The following LRP1B variants were observed in gnomAD, a reference collection of about 807,000 sequenced individuals.
LRP1B encodes the protein LDL receptor related protein 1B.
A neutral mutation model predicts 556.6 loss-of-function variants in LRP1B; 217 were observed. The ratio of observed to expected loss-of-function variants is 0.39; its 90% confidence interval spans 0.35 to 0.44. LRP1B has a LOEUF of 0.44. LRP1B is among the 20% of genes least tolerant of loss of function. The pLI, the probability that LRP1B is intolerant of heterozygous loss-of-function variation, is 1.00. For synonymous variants in LRP1B, 2,047 were observed against 1,865.8 expected (o/e 1.10, Z -2.50); for missense variants, 5,053 against 5,620.8 (o/e 0.90, Z 3.23).
chr2:141,105,492 T>G (rs1700581450), intron 7 of LRP1B, among the ~76,000 whole-genome samples: 1 of 152,172 alleles, frequency 6.6e-6, no homozygotes, highest in Non-Finnish European at 1.5e-5. Flanking sequence ...GCTTTCAGAC[T>G]TGGTCTGCAG....
chr2:141,051,649 C>T (rs1699038472), intron 10 of LRP1B, among the ~76,000 whole-genome samples: 1 of 151,988 alleles, frequency 6.6e-6, no homozygotes, highest in African/African-American at 2.4e-5. Flanking sequence ...CATTCTCCTC[C>T]AACTGAGAAA....
intron 18 of LRP1B, among the ~76,000 whole-genome samples, chr2:140,978,239 G>A (rs1696663711): frequency 6.6e-6 from 1 of 152,166 alleles, no homozygotes; most frequent in African/African-American, 2.4e-5. Flanking sequence ...TTTGAAAATA[G>A]ATGCTAGTAA....
At chr2:141,712,068 C>G (rs1398195071) in intron 2 of LRP1B, among the ~76,000 whole-genome samples, 1 of 152,052 alleles carries the variant, frequency 6.6e-6, no homozygotes, top group East Asian at 1.9e-4. Context: ...TTACCCCACC[C>G]ACACAAAAAG....
chr2:142,017,298 A>G (rs1270211937), intron 1 of LRP1B, among the ~76,000 whole-genome samples: 1 of 152,182 alleles, frequency 6.6e-6, no homozygotes, highest in Non-Finnish European at 1.5e-5. Context: ...ATATGCAGGC[A>G]GATATATTGA....
At chr2:141,436,100 CTATT>C (rs556712568) in intron 3 of LRP1B, among the ~76,000 whole-genome samples, 26 of 152,216 alleles carry the variant, frequency 1.7e-4, no homozygotes, top group African/African-American at 5.1e-4. Context: ...AGTAAAATGT[CTATT>C]TATTTATCCA....
intron 6 of LRP1B, among the ~76,000 whole-genome samples, chr2:141,210,572 A>G (rs1448697266): frequency 2.6e-5 from 4 of 152,186 alleles, no homozygotes; most frequent in African/African-American, 9.6e-5. Context: ...TGATTGGTAG[A>G]TAAAATGAAC....
At chr2:141,724,428 C>A (rs1233823816) in intron 2 of LRP1B, among the ~76,000 whole-genome samples, 1 of 151,706 alleles carries the variant, frequency 6.6e-6, no homozygotes, top group Non-Finnish European at 1.5e-5. Context: ...GAACTTAGAA[C>A]ACCAAAAATC....
intron 22 of LRP1B, among the ~76,000 whole-genome samples, chr2:140,907,425 A>G (rs578090550): frequency 6.6e-6 from 1 of 152,198 alleles, no homozygotes; most frequent in South Asian, 2.1e-4. Context: ...GTCATATTCA[A>G]TTGGCTTTAT....
chr2:141,169,455 C>T (rs1474122371), intron 7 of LRP1B, among the ~76,000 whole-genome samples: 1 of 151,680 alleles, frequency 6.6e-6, no homozygotes, highest in East Asian at 1.9e-4. Flanking sequence ...AAAATTCCAC[C>T]AATGACTTAT....
rs540183424 is a variant in LRP1B, at chr2:142,032,631, C to T, written c.82+98017G>A. Reference sequence around the variant, plus strand: ...GATCTTTAGGAGCCTCTCTCTGTCTCTCATTTGTTATTATGTATTTTTACT... The same window carrying T: ...GATCTTTAGGAGCCTCTCTCTGTCTTTCATTTGTTATTATGTATTTTTACT... On this transcript the variant is annotated intron_variant, in intron 1 of 90. Transcript: ENST00000389484. Among the ~76,000 whole-genome samples, 16 of 151,904 alleles carry T rather than the reference C, an allele frequency of 1.1e-4. No individual in the cohort carries two copies. In the South Asian group the frequency reaches 2.7e-3, roughly 26 times the overall value.
rs11887893 is a variant in LRP1B, at chr2:141,389,654, C to G, written c.343+90742G>C. Among the ~76,000 whole-genome samples, 1,241 of 152,094 alleles carry G rather than the reference C, an allele frequency of 8.2e-3. 19 individuals carry two copies. Among genetic ancestry groups the G allele is most frequent in the African/African-American group, 0.027 (1,139 of 41,488 alleles). On this transcript the variant is annotated intron_variant, in intron 3 of 90. Coordinates refer to ENST00000389484, the MANE Select transcript of LRP1B (RefSeq NM_018557.3). Reference sequence around the variant, plus strand: ...AACTGGACTTCATCAAAATTAAAACCCTTTGGTGCATAAAAGGACATTACC... The same window carrying G: ...AACTGGACTTCATCAAAATTAAAACGCTTTGGTGCATAAAAGGACATTACC...
intron 43 of LRP1B, among the ~76,000 whole-genome samples, chr2:140,556,228 T>G (rs2105064274): frequency 6.6e-6 from 1 of 152,148 alleles, no homozygotes; most frequent in East Asian, 1.9e-4. Context: ...ATAAATGAAT[T>G]ATCTAGCCTT....
intron 1 of LRP1B, among the ~76,000 whole-genome samples, chr2:142,017,469 A>G (rs572501892): frequency 6.6e-6 from 1 of 152,288 alleles, no homozygotes; most frequent in South Asian, 2.1e-4. Flanking sequence ...AAATGTGGTA[A>G]TTCCTAGCTA....
intron 1 of LRP1B, among the ~76,000 whole-genome samples, chr2:141,901,646 C>T (rs1437194889): frequency 6.6e-6 from 1 of 151,528 alleles, no homozygotes; most frequent in Non-Finnish European, 1.5e-5. Flanking sequence ...AAGATTTTTG[C>T]CATTTTAATA....
In LRP1B at chr2:141,264,927, T is replaced by C. The variant is rs188577877; in HGVS notation, c.344-10286A>G. ...ATCCATCAACCTTGGAAGAGCTGTC[T>C]TGGAGGCAGGCAGGGCCGGAGCCCC... On this transcript the variant is annotated intron_variant, in intron 3 of 90. Coordinates refer to ENST00000389484, the MANE Select transcript of LRP1B (RefSeq NM_018557.3). 1.8e-3 allele frequency among the ~76,000 whole-genome samples: 281 copies of C among 152,306 alleles called. 3 individuals carry two copies. Among genetic ancestry groups the C allele is most frequent in the Non-Finnish European group, 9.6e-4 (65 of 68,022 alleles).
intron 29 of LRP1B, among the ~76,000 whole-genome samples, chr2:140,847,859 T>G (rs932602743): frequency 2.0e-5 from 3 of 152,156 alleles, no homozygotes; most frequent in Non-Finnish European, 4.4e-5. Context: ...ATGTATTAAT[T>G]ATTAGTGAGA....
At chr2:141,830,589 C>T (rs1433820149) in intron 1 of LRP1B, among the ~76,000 whole-genome samples, 1 of 151,634 alleles carries the variant, frequency 6.6e-6, no homozygotes, top group African/African-American at 2.4e-5. Context: ...TTTCTTTTAC[C>T]TTACTCCTAC....
intron 43 of LRP1B, among the ~76,000 whole-genome samples, chr2:140,578,317 C>T (rs879357546): frequency 2.6e-5 from 4 of 151,878 alleles, no homozygotes; most frequent in East Asian, 1.9e-4. Context: ...TAGGTGGGGG[C>T]GGACGACTTT....
chr2:140,716,626 T>C (rs1687219930), intron 36 of LRP1B, 56 bp downstream of exon 36: 1 of 1,529,502 alleles, frequency 6.5e-7, no homozygotes, highest in African/African-American at 1.4e-5. Context: ...ATGAAGCAGT[T>C]TGAGCCCCTA....
Sources: gnomAD v4.1 joint callset for allele counts (sites outside exome capture counted in the v4.1 genomes callset) on GRCh38, gnomAD v4.1.1 for gene constraint, MANE v1.5 for transcripts, NCBI Gene and HGNC (gene_info 2026-07-23, HGNC 2026-07-21) for gene names.